SYNE2: variants seen among roughly 807,000 people sequenced by gnomAD.
SYNE2 encodes the protein spectrin repeat containing nuclear envelope protein 2.
A neutral mutation model predicts 856.3 loss-of-function variants in SYNE2; 431 were observed. The observed-to-expected ratio is 0.50, with a 90% CI of 0.47 to 0.55. The LOEUF is 0.55. Among genes scored for constraint, SYNE2 ranks in the 20% least tolerant of loss-of-function variants. The pLI is 0.00. For synonymous variants in SYNE2, 2,923 were observed against 2,872.3 expected (o/e 1.02, Z -0.56); for missense variants, 8,129 against 8,023.2 (o/e 1.01, Z -0.50).
intron 77 of SYNE2, 137 bp downstream of exon 77, chr14:64,132,575 C>T: frequency 2.5e-6 from 3 of 1,194,154 alleles, no homozygotes; most frequent in East Asian, 2.5e-5. Context: ...AATGTGGACC[C>T]CTGCTCAGGT....
chr14:63,834,915 G>A (rs527414398), intron 1 of SYNE2, among the ~76,000 whole-genome samples: 11 of 152,282 alleles, frequency 7.2e-5, no homozygotes, highest in African/African-American at 2.4e-4. Context: ...TGGGATTACA[G>A]GCATGAGTCA....
chr14:64,209,440 G>A lies in SYNE2; in HGVS notation c.18402G>A (p.Thr6134=), dbSNP rs374459819. Residue 6134 remains threonine, a synonymous_variant, in exon 102 of 116, where the codon ACG becomes ACA. Transcript: ENST00000555002. ...TTGCTCCCATCAGAATCGAGGAGAC[G>A]TGGCGCCTGTGGCAGAAGTTTTTAG... ...SMERRMKIEE[T]WRLWQKFLDD... is the part of the protein sequence containing the mutation. 1.7e-5 allele frequency: 28 copies of A among 1,614,114 alleles called. No individual in the cohort carries two copies. The highest frequency in any genetic ancestry group is 1.3e-4 in the African/African-American group (10 of 74,950).
intron 45 of SYNE2, among the ~76,000 whole-genome samples, chr14:64,037,820 G>A (rs1157033145): frequency 4.7e-5 from 7 of 148,412 alleles, no homozygotes; most frequent in South Asian, 2.2e-4. Flanking sequence ...CCTCCCGGAC[G>A]GGGCGGCTGG....
At chr14:63,954,630 G>A in intron 7 of SYNE2, 89 bp from the exon 8 acceptor site, 2 of 1,245,320 alleles carry the variant, frequency 1.6e-6, no homozygotes, top group Non-Finnish European at 2.3e-6. Context: ...TACTTGATTT[G>A]CCAAATTTTA....
intron 1 of SYNE2, among the ~76,000 whole-genome samples, chr14:63,788,010 G>T (rs1414205730): frequency 6.6e-6 from 1 of 152,152 alleles, no homozygotes; most frequent in Non-Finnish European, 1.5e-5. Flanking sequence ...CACTCTCAGC[G>T]CCCCCTTGGC....
chr14:64,048,678 C>T lies in SYNE2; in HGVS notation c.7377+523C>T, dbSNP rs560906087. ...ATCCCAGCACTTTGGGAGGCCGAGG[C>T]GGGAGGACTGCCTGAGTCCAGGAGT... On this transcript the variant is annotated intron_variant, in intron 46 of 115. Coordinates refer to ENST00000555002, the MANE Select transcript of SYNE2 (RefSeq NM_182914.3). The T allele has an allele frequency of 1.1e-3, 163 of 153,362 alleles. 1 individual carries two copies. The South Asian group carries it at 0.022, about 21-fold the overall frequency. The allele number at this position is 153,362 out of a possible 1,614,324, so 9.5% of individuals were successfully genotyped here.
intron 1 of SYNE2, among the ~76,000 whole-genome samples, chr14:63,794,379 A>G (rs1371444838): frequency 6.6e-6 from 1 of 152,058 alleles, no homozygotes; most frequent in Non-Finnish European, 1.5e-5. Context: ...TAGTAGAGAC[A>G]GGGTTTCACC....
chr14:64,131,096 T>G (rs938513487), intron 76 of SYNE2, among the ~76,000 whole-genome samples: 2 of 152,198 alleles, frequency 1.3e-5, no homozygotes, highest in African/African-American at 4.8e-5. Flanking sequence ...GGTAAGCTTA[T>G]GGTCTAGCAT....
chr14:63,909,049 A>G (rs916723506), intron 1 of SYNE2, 49 bp from the exon 2 acceptor site: 28 of 913,704 alleles, frequency 3.1e-5, no homozygotes, highest in Non-Finnish European at 4.9e-5. Flanking sequence ...TGTTTACTAG[A>G]AACAGAGCTG....
Position 64,168,965 on chromosome 14 carries a change from A to T in SYNE2, c.16994A>T (p.Glu5665Val), listed in dbSNP as rs1388888404. ...SLQLLDTTEI[E>V]NRPEFITEFS... ...CAACTCCTGGACACAACAGAAATAG[A>T]GAACAGGTGAGCTGTCTGGGCCTCA... Residue 5665 changes from glutamate (E) to valine (V), a missense_variant, in exon 93 of 116, where the codon GAG (glutamate) becomes GTG (valine). By Grantham distance (121) the Glu-to-Val change is moderately radical. Transcript: ENST00000555002. 11 of 1,612,732 alleles carry T rather than the reference A, an allele frequency of 6.8e-6. No homozygotes were observed. Among genetic ancestry groups the T allele is most frequent in the Non-Finnish European group, 5.9e-6 (7 of 1,178,840 alleles).
intron 95 of SYNE2, among the ~76,000 whole-genome samples, chr14:64,176,036 C>G (rs746811071): frequency 2.0e-5 from 3 of 152,150 alleles, no homozygotes; most frequent in Non-Finnish European, 4.4e-5. Flanking sequence ...GAGTTGAGTT[C>G]CAGATAGTTA....
intron 49 of SYNE2, among the ~76,000 whole-genome samples, chr14:64,058,446 G>A (rs61436626): frequency 6.6e-6 from 1 of 151,880 alleles, no homozygotes; most frequent in African/African-American, 2.4e-5. Flanking sequence ...GTAAACTTTC[G>A]ACCCATTATC....
chr14:64,078,841 G>T (rs2097493329), intron 55 of SYNE2, among the ~76,000 whole-genome samples: 2 of 152,216 alleles, frequency 1.3e-5, no homozygotes, highest in South Asian at 4.1e-4. Flanking sequence ...GGAGGCCAAG[G>T]TGGGATGATC....
chr14:63,994,617 A>G (rs1272924401), intron 22 of SYNE2, among the ~76,000 whole-genome samples: 1 of 152,178 alleles, frequency 6.6e-6, no homozygotes, highest in African/African-American at 2.4e-5. Flanking sequence ...CTAGCAGTTT[A>G]CCCTGACAGA....
intron 1 of SYNE2, among the ~76,000 whole-genome samples, chr14:63,867,947 G>A (rs1009757886): frequency 5.3e-5 from 8 of 152,106 alleles, no homozygotes; most frequent in African/African-American, 1.9e-4. Flanking sequence ...TGTGTTGGGA[G>A]ACTAAGGTGG....
chr14:64,128,691 G>A, intron 74 of SYNE2, 138 bp downstream of exon 74: 1 of 670,538 alleles, frequency 1.5e-6, no homozygotes. Context: ...AACTATTTAT[G>A]TTGACTTTTT....
chr14:63,855,755 G>A (rs977164647), intron 1 of SYNE2, among the ~76,000 whole-genome samples: 5 of 152,162 alleles, frequency 3.3e-5, no homozygotes, highest in Admixed American at 1.3e-4. Flanking sequence ...TGTCTTTTTC[G>A]GGAGATTTTA....
chr14:64,059,516 CCAAA>C, intron 49 of SYNE2, among the ~76,000 whole-genome samples: 1 of 152,276 alleles, frequency 6.6e-6, no homozygotes, highest in South Asian at 2.1e-4. Flanking sequence ...TCACTTTCTC[CCAAA>C]CAAACAGAAT....
chr14:64,086,373 C>A (rs1272436263), intron 57 of SYNE2, among the ~76,000 whole-genome samples: 1 of 152,180 alleles, frequency 6.6e-6, no homozygotes, highest in Non-Finnish European at 1.5e-5. Flanking sequence ...TCTATACTTT[C>A]ACCAATATGA....
Sources: allele counts gnomAD v4.1 joint callset (sites outside exome capture counted in the v4.1 genomes callset), GRCh38; gene constraint gnomAD v4.1.1; transcripts MANE v1.5; gene names NCBI Gene and HGNC (gene_info 2026-07-23, HGNC 2026-07-21).